Variants in MON2 observed in about 807,000 individuals in gnomAD.
MON2 encodes the protein protein MON2 homolog.
In MON2, 84 loss-of-function variants were observed where a neutral mutation model predicts 208.6. The observed-to-expected ratio is 0.40, with a 90% confidence interval of 0.34 to 0.48. The LOEUF is 0.48. Ranked by LOEUF, MON2 falls within the 20% of genes least tolerant of loss-of-function variation. The pLI is 0.59. For synonymous variants in MON2, 660 were observed against 694.0 expected, an observed-to-expected ratio of 0.95 and a Z score of 0.77; for missense variants, 1,611 against 2,015.4, an observed-to-expected ratio of 0.80 and a Z score of 3.84.
Position 62,532,568 on chromosome 12 carries a change from G to C in MON2, c.1531G>C (p.Glu511Gln), listed in dbSNP as rs1422678901. The C allele has an allele frequency of 6.2e-7, 1 of 1,613,980 alleles. No homozygotes were observed. The highest frequency in any genetic ancestry group is 2.2e-5 in the East Asian group (1 of 44,872). ...SMIEGELGEL[E>Q]TECQTTTEEG... ...GATTGAAGGAGAGCTAGGAGAGCTTGAAACAGAATGTCAAACCACCACTGA... is the reference window on the plus strand; with the variant it reads ...GATTGAAGGAGAGCTAGGAGAGCTTCAAACAGAATGTCAAACCACCACTGA... Residue 511 changes from glutamate (E) to glutamine (Q), a missense_variant, in exon 12 of 35, where the codon GAA (glutamate) becomes CAA (glutamine). Coordinates refer to ENST00000393630, the MANE Select transcript of MON2 (RefSeq NM_015026.3).
intron 8 of MON2, among the ~76,000 whole-genome samples, chr12:62,514,501 CA>C (rs928311672): frequency 1.3e-5 from 2 of 152,164 alleles, no homozygotes; most frequent in Non-Finnish European, 2.9e-5. Flanking sequence ...GTGGTAGACA[CA>C]AGAAGAGAGC....
At chr12:62,481,163 C>T (rs2069404395) in intron 1 of MON2, among the ~76,000 whole-genome samples, 1 of 152,196 alleles carries the variant, frequency 6.6e-6, no homozygotes, top group Non-Finnish European at 1.5e-5. Flanking sequence ...ATCATCATCT[C>T]TTGCTTATAT....
At chr12:62,526,242 T>A in intron 11 of MON2, 140 bp downstream of exon 11, 2 of 789,226 alleles carry the variant, frequency 2.5e-6, no homozygotes, top group Non-Finnish European at 4.0e-6. Context: ...TCGTCATATT[T>A]TGAAAATTGT....
At chr12:62,495,549 G>A (rs1007152767) in intron 4 of MON2, among the ~76,000 whole-genome samples, 7 of 152,070 alleles carry the variant, frequency 4.6e-5, no homozygotes, top group Non-Finnish European at 4.4e-5. Context: ...AATTAGCCAG[G>A]TGTAGTGGCG....
chr12:62,476,923 G>A (rs1181549893), intron 1 of MON2, among the ~76,000 whole-genome samples: 3 of 152,084 alleles, frequency 2.0e-5, no homozygotes, highest in Admixed American at 6.5e-5. Flanking sequence ...TTTGGGAGGC[G>A]AAGACTGGAG....
chr12:62,526,267 T>G (rs953097522), intron 11 of MON2, among the ~76,000 whole-genome samples, 165 bp downstream of exon 11: 1 of 152,270 alleles, frequency 6.6e-6, no homozygotes, highest in South Asian at 2.1e-4. Flanking sequence ...AGGACTGGAT[T>G]TTATTTGTTT....
intron 8 of MON2, among the ~76,000 whole-genome samples, chr12:62,522,079 C>T (rs1360421809): frequency 2.0e-5 from 3 of 151,642 alleles, no homozygotes; most frequent in African/African-American, 7.3e-5. Flanking sequence ...CCCACCTTCT[C>T]AGGAGGCTAA....
intron 7 of MON2, among the ~76,000 whole-genome samples, chr12:62,502,902 G>A (rs1474351441): frequency 7.2e-5 from 11 of 152,064 alleles, no homozygotes; most frequent in Admixed American, 7.2e-4. Context: ...GATTTTTTAG[G>A]CCAGGATGTG....
chr12:62,528,831 C>T (rs2072470880), intron 11 of MON2, among the ~76,000 whole-genome samples: 1 of 152,146 alleles, frequency 6.6e-6, no homozygotes, highest in African/African-American at 2.4e-5. Context: ...TTTATCTCCC[C>T]ATTTGAGCTT....
chr12:62,562,787 A>G (rs553362336), intron 26 of MON2, among the ~76,000 whole-genome samples: 25 of 152,206 alleles, frequency 1.6e-4, no homozygotes, highest in African/African-American at 4.3e-4. Context: ...TTTTCTTTCT[A>G]AAGGGGAGCA....
intron 1 of MON2, among the ~76,000 whole-genome samples, chr12:62,481,457 C>T (rs2069430749): frequency 7.1e-6 from 1 of 141,006 alleles, no homozygotes; most frequent in Non-Finnish European, 1.5e-5. Flanking sequence ...ACCCGGGAGG[C>T]GGAGCTTGCA....
chr12:62,592,882 T>C lies in MON2; in HGVS notation c.*133T>C. ...GTTGTTGGCCTCCTTTAAATTCTACTTACCTGAGTTCAGTAATTCATATTA... is the reference window on the plus strand; with the variant it reads ...GTTGTTGGCCTCCTTTAAATTCTACCTACCTGAGTTCAGTAATTCATATTA... On this transcript the variant is annotated 3_prime_UTR_variant, in exon 35 of 35. Coordinates refer to ENST00000393630, the MANE Select transcript of MON2 (RefSeq NM_015026.3). 1 of 846,672 alleles carries C rather than the reference T, an allele frequency of 1.2e-6. No individual in the cohort carries two copies. The highest frequency in any genetic ancestry group is 1.8e-6 in the Non-Finnish European group (1 of 569,496). The allele number at this position is 846,672 out of a possible 1,614,324, so 52.4% of individuals were successfully genotyped here. A position where few individuals can be genotyped will look rare whatever the true frequency, so the allele number is the denominator to read the frequency against.
rs577730541 is a variant in MON2 at position 62,506,516 on chromosome 12, C to A, written c.790-1770C>A. On this transcript the variant is annotated intron_variant, in intron 7 of 34. Transcript: ENST00000393630. ...GGAGGAGGCTGAGGCAGGCAGATCA[C>A]CTGAGGTCAGGAGAGCCTGCCCAAC... 2.8e-4 allele frequency among the ~76,000 whole-genome samples: 42 copies of A among 152,210 alleles called. 1 individual carries two copies. In the South Asian group the frequency reaches 8.3e-3, roughly 30 times the overall value.
At chr12:62,498,048 C>CTT (rs34160326) in intron 4 of MON2, among the ~76,000 whole-genome samples, 15 of 146,940 alleles carry the variant, frequency 1.0e-4, no homozygotes, top group Admixed American at 6.1e-4. Flanking sequence ...TTCATAGCAG[C>CTT]TTTTTTTTTT....
chr12:62,523,027 T>C (rs566907178), intron 8 of MON2, among the ~76,000 whole-genome samples: 35 of 152,356 alleles, frequency 2.3e-4, no homozygotes, highest in Non-Finnish European at 4.9e-4. Context: ...CTTTGTATTC[T>C]TGCCTCAAAG....
At chr12:62,477,510 C>T (rs536202950) in intron 1 of MON2, among the ~76,000 whole-genome samples, 3 of 152,018 alleles carry the variant, frequency 2.0e-5, no homozygotes, top group Admixed American at 6.5e-5. Flanking sequence ...ACTGTAGCCT[C>T]GACCTCCTGA....
intron 8 of MON2, among the ~76,000 whole-genome samples, chr12:62,510,237 A>C (rs575482204): frequency 2.8e-4 from 43 of 152,336 alleles, no homozygotes; most frequent in Non-Finnish European, 5.6e-4. Flanking sequence ...TTGAAAGAAC[A>C]ATTAACAAAC....
chr12:62,511,856 A>T (rs374507434), intron 8 of MON2, among the ~76,000 whole-genome samples: 9 of 152,310 alleles, frequency 5.9e-5, no homozygotes, highest in Admixed American at 3.3e-4. Flanking sequence ...CATACCCGAG[A>T]CTGGGCAATT....
At chr12:62,532,296 T>A in intron 11 of MON2, 142 bp from the exon 12 acceptor site, 1 of 657,126 alleles carries the variant, frequency 1.5e-6, no homozygotes, top group East Asian at 2.7e-5. Context: ...CTTCCCTAAA[T>A]GAAAGAAATT....
Sources: gnomAD v4.1 joint callset for allele counts (sites outside exome capture counted in the v4.1 genomes callset) on GRCh38, gnomAD v4.1.1 for gene constraint, MANE v1.5 for transcripts, NCBI Gene and HGNC (gene_info 2026-07-23, HGNC 2026-07-21) for gene names.